Variants in CHRDL2 observed in about 807,000 individuals in gnomAD.
CHRDL2 encodes the protein chordin-like protein 2.
CHRDL2 carries 41 observed loss-of-function variants against 54.3 expected under a neutral mutation model. The observed-to-expected ratio is 0.76, with a 90% CI of 0.59 to 0.98. The LOEUF is 0.98. Among genes scored for constraint, CHRDL2 ranks in the 50% least tolerant of loss-of-function variants. The pLI is 0.00. For missense variants in CHRDL2, 518 were observed against 562.4 expected (o/e 0.92, Z 0.80); for synonymous variants, 220 against 224.3 (o/e 0.98, Z 0.17).
intron 2 of CHRDL2, among the ~76,000 whole-genome samples, chr11:74,717,058 C>T (rs2034377004): frequency 6.6e-6 from 1 of 152,114 alleles, no homozygotes; most frequent in Admixed American, 6.5e-5. Context: ...CGCACCACTG[C>T]ACTCCAGCCT....
chr11:74,697,328 A>C, intron 9 of CHRDL2, 31 bp from the exon 10 acceptor site: 1 of 1,581,966 alleles, frequency 6.3e-7, no homozygotes, highest in Admixed American at 1.7e-5. Context: ...GTGAGCAGGC[A>C]AGGCAAAAAC....
intron 1 of CHRDL2, among the ~76,000 whole-genome samples, chr11:74,720,847 A>G (rs1028582280): frequency 1.3e-5 from 2 of 152,138 alleles, no homozygotes; most frequent in South Asian, 2.1e-4. Context: ...CCTAACCATC[A>G]GAAGGTTTTC....
rs769211166 is a variant in CHRDL2 at position 74,696,548 on chromosome 11, C to T, written c.1251G>A (p.Leu417=). 1.2e-6 allele frequency: 2 copies of T among 1,614,168 alleles called. No individual in the cohort carries two copies. The highest frequency in any genetic ancestry group is 2.2e-5 in the East Asian group (1 of 44,886). ...WNVFLAQTLE[L]KVTASPDKVT... is the part of the protein sequence containing the mutation. ...CTTTGTCTGGACTGGCCGTGACCTT[C>T]AGCTCCAGGGTCTGGGCTAGGAAGA... is the stretch of plus-strand genomic sequence containing the variant. Residue 417 remains leucine (L), a synonymous_variant, in exon 11 of 11, where the codon CTG becomes CTA. Transcript: ENST00000376332.
At chr11:74,708,928 C>T (rs1360531133) in intron 4 of CHRDL2, among the ~76,000 whole-genome samples, 1 of 152,174 alleles carries the variant, frequency 6.6e-6, no homozygotes, top group East Asian at 1.9e-4. Context: ...CATTGGTGGT[C>T]ACTTCTTTCC....
rs759417155 is a variant in CHRDL2, at chr11:74,718,808, T to A, written c.107A>T (p.His36Leu). ...RARPDMFCLFHGKRYSPGESW... is the reference protein window; with the variant it reads ...RARPDMFCLFLGKRYSPGESW... The stretch of plus-strand genomic sequence containing the variant: ...CTCGCCGGGGGAGTATCTCTTCCCA[T>A]GGAAAAGGCAGAACATGTCTGGGCC... Residue 36 changes from histidine to leucine, a missense_variant, in exon 2 of 11, where the codon CAT becomes CTT. Coordinates refer to ENST00000376332, the MANE Select transcript of CHRDL2 (RefSeq NM_001278473.3). 5.0e-6 allele frequency: 8 copies of A among 1,612,620 alleles called. No homozygotes were observed. Among genetic ancestry groups the A allele is most frequent in the Non-Finnish European group, 6.8e-6 (8 of 1,179,352 alleles).
intron 1 of CHRDL2, among the ~76,000 whole-genome samples, chr11:74,725,254 G>C (rs138574459): frequency 1.3e-5 from 2 of 152,028 alleles, no homozygotes; most frequent in Non-Finnish European, 2.9e-5. Context: ...GCCTCCCAAA[G>C]GGCTGGGATT....
chr11:74,723,527 A>C (rs1200954561), intron 1 of CHRDL2, among the ~76,000 whole-genome samples: 1 of 152,150 alleles, frequency 6.6e-6, no homozygotes, highest in African/African-American at 2.4e-5. Context: ...TTAATTGAGA[A>C]CTTTTACCTT....
chr11:74,719,655 A>G (rs964664736), intron 1 of CHRDL2, among the ~76,000 whole-genome samples: 6 of 152,346 alleles, frequency 3.9e-5, no homozygotes, highest in Middle Eastern at 3.4e-3. Flanking sequence ...CGTTGCTACT[A>G]CTGTGATTTG....
At chr11:74,703,186 T>C in intron 8 of CHRDL2, 119 bp downstream of exon 8, 1 of 1,231,360 alleles carries the variant, frequency 8.1e-7, no homozygotes, top group Non-Finnish European at 1.1e-6. Flanking sequence ...CCCTGCATCC[T>C]GTGGCACCGA....
At chr11:74,701,479 AACAGCTCC>A (rs2033807773) in intron 9 of CHRDL2, 1 of 634,004 alleles carries the variant, frequency 1.6e-6, no homozygotes, top group Non-Finnish European at 2.9e-6. Flanking sequence ...CTCCAGGCTG[AACAGCTCC>A]ACTTTCTTCG....
intron 2 of CHRDL2, among the ~76,000 whole-genome samples, chr11:74,713,964 G>C (rs1247879933): frequency 6.6e-6 from 1 of 152,162 alleles, no homozygotes; most frequent in African/African-American, 2.4e-5. Flanking sequence ...ATCTCTGGGA[G>C]GTTTGGGTAA....
chr11:74,715,807 G>A (rs187487980), intron 2 of CHRDL2, among the ~76,000 whole-genome samples: 30 of 151,358 alleles, frequency 2.0e-4, no homozygotes, highest in African/African-American at 6.6e-4. Context: ...GGTAAAACCC[G>A]TTTCTACTAA....
At chr11:74,711,253 C>T (rs1259046504) in intron 3 of CHRDL2, among the ~76,000 whole-genome samples, 8 of 152,172 alleles carry the variant, frequency 5.3e-5, no homozygotes, top group Non-Finnish European at 5.9e-5. Flanking sequence ...CCAGCCCCAA[C>T]CAGAGCAAGA....
Position 74,730,832 on chromosome 11 carries a change from G to A in CHRDL2, c.57C>T (p.Phe19=), listed in dbSNP as rs900601232. Residue 19 remains phenylalanine, a synonymous_variant, in exon 1 of 11, where the codon TTC becomes TTT. Coordinates refer to ENST00000376332, the MANE Select transcript of CHRDL2 (RefSeq NM_001278473.3). ...SSLLGLALLW[F]PLDSHARARP... ...GGGCTCGAGCGTGGGAGTCCAGGGGGAACCAGAGCAGCGCGAGTCCCAGCA... is the reference window on the plus strand; with the variant it reads ...GGGCTCGAGCGTGGGAGTCCAGGGGAAACCAGAGCAGCGCGAGTCCCAGCA... 8.1e-6 allele frequency: 13 copies of A among 1,612,722 alleles called. No homozygotes were observed. Among genetic ancestry groups the A allele is most frequent in the Non-Finnish European group, 1.1e-5 (13 of 1,179,618 alleles).
rs532592201 is a variant in CHRDL2, at chr11:74,704,480, C to G, written c.751+6G>C. ...CTCACAGATTGGAGGAGGGTCCAGT[C>G]CCCACCTTTCTTATGTTTCTCCTTC... On this transcript the variant is annotated splice_donor_region_variant and intron_variant, in intron 7 of 10. Coordinates refer to ENST00000376332, the MANE Select transcript of CHRDL2 (RefSeq NM_001278473.3). 2.5e-5 allele frequency: 39 copies of G among 1,586,266 alleles called. No homozygotes were observed. The East Asian group carries it at 9.0e-4, about 37-fold the overall frequency.
In CHRDL2 at chr11:74,702,949, C is replaced by T. The variant is rs756713604; in HGVS notation, c.965G>A (p.Gly322Asp). 1.2e-5 allele frequency: 19 copies of T among 1,612,946 alleles called. No homozygotes were observed. In the South Asian group the frequency reaches 1.8e-4, roughly 15 times the overall value. ...KICPEDKADP[G>D]HSEISSTRCP... is the part of the protein sequence containing the mutation. ...CCTGGTAGAACTGATCTCACTGTGG[C>T]CAGGGTCTGCTTTGTCCTCTGGAGA... The change falls in exon 9 of 11, where the codon GGC becomes GAC. Residue 322 changes from glycine (G) to aspartate (D), a missense_variant. Transcript: ENST00000376332.
chr11:74,729,852 G>A (rs2034625410), intron 1 of CHRDL2, among the ~76,000 whole-genome samples: 1 of 152,172 alleles, frequency 6.6e-6, no homozygotes, highest in African/African-American at 2.4e-5. Context: ...CATGGGGAGG[G>A]GGGACCACCA....
chr11:74,725,706 G>C (rs948238061), intron 1 of CHRDL2, among the ~76,000 whole-genome samples: 2 of 152,202 alleles, frequency 1.3e-5, no homozygotes, highest in Non-Finnish European at 2.9e-5. Flanking sequence ...TTCTGGGCTG[G>C]AGGGGAGGCT....
At chr11:74,710,411 A>T (rs1186628849) in intron 4 of CHRDL2, among the ~76,000 whole-genome samples, 1 of 152,176 alleles carries the variant, frequency 6.6e-6, no homozygotes, top group Non-Finnish European at 1.5e-5. Flanking sequence ...AACAATAGGC[A>T]GGAGGAGTTT....
Sources: allele counts gnomAD v4.1 joint callset (sites outside exome capture counted in the v4.1 genomes callset), GRCh38; gene constraint gnomAD v4.1.1; transcripts MANE v1.5; gene names NCBI Gene and HGNC (gene_info 2026-07-23, HGNC 2026-07-21).